Variants in TSC22D2 observed in about 807,000 individuals in gnomAD.
TSC22D2 encodes TSC22 domain family protein 2.
Under a neutral mutation model 50.1 loss-of-function variants are expected in TSC22D2, and 5 were observed. The observed-to-expected ratio is 0.10, with a 90% CI of 0.05 to 0.21. The LOEUF is 0.21. TSC22D2 is among the 10% of genes least tolerant of loss of function. The pLI is 1.00. For synonymous variants in TSC22D2, 501 were observed against 450.1 expected (o/e 1.11, Z -1.43); for missense variants, 1,003 against 1,015.5 (o/e 0.99, Z 0.17).
At chr3:150,418,396 T>C (rs1719894738) in intron 1 of TSC22D2, among the ~76,000 whole-genome samples, 1 of 151,930 alleles carries the variant, frequency 6.6e-6, no homozygotes, top group Non-Finnish European at 1.5e-5. Context: ...TAGACTGACT[T>C]CTATTTAAAA....
chr3:150,432,570 T>C (rs896036213), intron 1 of TSC22D2, among the ~76,000 whole-genome samples: 167 of 151,924 alleles, frequency 1.1e-3, no homozygotes, highest in African/African-American at 3.9e-3. Context: ...TAAAATTCTA[T>C]TGAAGAGCTT....
chr3:150,458,977 T>A lies in TSC22D2; in HGVS notation c.*341T>A, dbSNP rs1721287129. 1 of 198,416 alleles carries A rather than the reference T, an allele frequency of 5.0e-6. No homozygotes were observed. The allele number at this position is 198,416 out of a possible 1,614,324, so 12.3% of individuals were successfully genotyped here. A position where few individuals can be genotyped will look rare whatever the true frequency, so the allele number is the denominator to read the frequency against. ...ATTACCCATGGATTTACCCTGAGCC[T>A]TCCTATCACATTATAAATAACAGTT... is the stretch of plus-strand genomic sequence containing the variant. On this transcript the variant is annotated 3_prime_UTR_variant, in exon 3 of 3. Transcript: ENST00000688009.
In TSC22D2 at chr3:150,465,605, T is replaced by C. The variant is rs971116050; in HGVS notation, c.*6969T>C. ...AAGATAGCCTGTACAATGATGTCAA[T>C]TGCACCTTTGCTTGTACAGTAGACC... On this transcript the variant is annotated 3_prime_UTR_variant, in exon 3 of 3. Coordinates refer to ENST00000688009, the MANE Select transcript of TSC22D2 (RefSeq NM_001303264.2). 2 of 152,204 alleles carry C rather than the reference T, an allele frequency of 1.3e-5. No individual in the cohort carries two copies. Among genetic ancestry groups the C allele is most frequent in the African/African-American group, 2.4e-5 (1 of 41,464 alleles). The allele number at this position is 152,204 out of a possible 1,614,324, so 9.4% of individuals were successfully genotyped here. A position where few individuals can be genotyped will look rare whatever the true frequency, so the allele number is the denominator to read the frequency against.
rs897757590 is a variant in TSC22D2, at chr3:150,461,277, A to T, written c.*2641A>T. 2.1e-4 allele frequency: 32 copies of T among 152,106 alleles called. No individual in the cohort carries two copies. The highest frequency in any genetic ancestry group is 7.7e-4 in the African/African-American group (32 of 41,406). 9.4% of individuals were successfully genotyped at this position (152,106 alleles called of 1,614,324 possible). The stretch of plus-strand genomic sequence containing the variant: ...TCCCCTCAAAATCCAAACTATCCCT[A>T]CTGTCAACCCTTCCCCCAGCTGATT... On this transcript the variant is annotated 3_prime_UTR_variant, in exon 3 of 3. Coordinates refer to ENST00000688009, the MANE Select transcript of TSC22D2 (RefSeq NM_001303264.2).
At chr3:150,417,588 T>C (rs1242914962) in intron 1 of TSC22D2, among the ~76,000 whole-genome samples, 19 of 151,894 alleles carry the variant, frequency 1.3e-4, no homozygotes, top group Admixed American at 1.2e-3. Flanking sequence ...TGTAGATGCC[T>C]TGTTTCCTCT....
At position 150,425,040 on chromosome 3, in the gene TSC22D2, G is replaced by A. The variant is rs564957937; in HGVS notation, c.1958+13732G>A. On this transcript the variant is annotated intron_variant, in intron 1 of 2. Coordinates refer to ENST00000688009, the MANE Select transcript of TSC22D2 (RefSeq NM_001303264.2). ...TCAGCTAATAAAGTATCATGAGACC[G>A]TTTATTCCAAATGGGTTGAAGATTT... Among the ~76,000 whole-genome samples, 5 of 152,194 alleles carry A rather than the reference G, an allele frequency of 3.3e-5. No individual in the cohort carries two copies. In the East Asian group the frequency reaches 5.8e-4, roughly 18 times the overall value.
At chr3:150,431,224 CAAAAAAAAAAAA>C (rs71138443) in intron 1 of TSC22D2, among the ~76,000 whole-genome samples, 28 of 27,968 alleles carry the variant, frequency 1.0e-3, no homozygotes, top group East Asian at 1.7e-3. Flanking sequence ...GGCTCTGTCT[CAAAAAAAAAAAA>C]AAAAAAAAAA....
At position 150,409,691 on chromosome 3, in the gene TSC22D2, C is replaced by T. The variant is rs781590505; in HGVS notation, c.341C>T (p.Ser114Phe). The part of the protein sequence containing the change: ...GGGVVSARSV[S>F]GALASTLAAA... ...GGAGTCGTTTCGGCCCGGAGCGTGT[C>T]TGGGGCGCTCGCCAGTACCCTGGCG... The change falls in exon 1 of 3, where the codon TCT becomes TTT. Residue 114 changes from serine to phenylalanine, a missense_variant. Ser to Phe is a radical substitution (Grantham distance 155). Around this residue, in one of 6 missense-constraint regions of TSC22D2, gnomAD observed 200 missense variants for 182.8 expected, o/e 1.09. Transcript: ENST00000688009. This position sits in a 1 kb window ranked among gnomAD's most constrained non-coding sequence, Gnocchi z 7.4. 15 of 1,588,110 alleles carry T rather than the reference C, an allele frequency of 9.4e-6. No individual in the cohort carries two copies. Among genetic ancestry groups the T allele is most frequent in the South Asian group, 1.1e-5 (1 of 89,578 alleles).
Position 150,460,884 on chromosome 3 carries a change from G to A in TSC22D2, c.*2248G>A, listed in dbSNP as rs1044895471. 6.6e-6 allele frequency: 1 copy of A among 152,030 alleles called. No homozygotes were observed. Among genetic ancestry groups the A allele is most frequent in the Non-Finnish European group, 1.5e-5 (1 of 68,008 alleles). The allele number at this position is 152,030 out of a possible 1,614,324, so 9.4% of individuals were successfully genotyped here. A position where few individuals can be genotyped will look rare whatever the true frequency, so the allele number is the denominator to read the frequency against. On this transcript the variant is annotated 3_prime_UTR_variant, in exon 3 of 3. Transcript: ENST00000688009. ...TAGTCTCCAAGGAAATGAATAATAAGGTTTAAAATGGTAACAGCAGTTATT... is the reference window on the plus strand; with the variant it reads ...TAGTCTCCAAGGAAATGAATAATAAAGTTTAAAATGGTAACAGCAGTTATT...
At chr3:150,413,006 A>G (rs1171821498) in intron 1 of TSC22D2, among the ~76,000 whole-genome samples, 1 of 152,056 alleles carries the variant, frequency 6.6e-6, no homozygotes, top group African/African-American at 2.4e-5. Context: ...ATACACACAC[A>G]CACCCCTCCA....
intron 2 of TSC22D2, 121 bp downstream of exon 2, chr3:150,457,248 T>C: frequency 1.1e-6 from 1 of 912,548 alleles, no homozygotes; most frequent in Non-Finnish European, 1.7e-6. Flanking sequence ...ATCATGTTTT[T>C]TGATAATGAG....
intron 1 of TSC22D2, among the ~76,000 whole-genome samples, chr3:150,431,932 C>T (rs1016005924): frequency 6.6e-6 from 1 of 152,170 alleles, no homozygotes; most frequent in Non-Finnish European, 1.5e-5. Flanking sequence ...AGACATTTTA[C>T]ATCACCACTT....
intron 1 of TSC22D2, among the ~76,000 whole-genome samples, chr3:150,451,862 GA>G (rs962580980): frequency 3.3e-5 from 5 of 152,012 alleles, no homozygotes; most frequent in African/African-American, 1.2e-4. Context: ...TGTCCATTTT[GA>G]AAAAGAGAAG....
At chr3:150,448,254 T>C (rs952937569) in intron 1 of TSC22D2, among the ~76,000 whole-genome samples, 1 of 151,902 alleles carries the variant, frequency 6.6e-6, no homozygotes, top group African/African-American at 2.4e-5. Flanking sequence ...GGTGGGAGGA[T>C]TGCTTTAGCC....
chr3:150,435,546 A>C lies in TSC22D2; in HGVS notation c.1959-21530A>C, dbSNP rs542092346. ...TAGGATTTCTCCAAACAATGTAGTG[A>C]ACTTTTTTGAACAGCAGGTTGAAAA... On this transcript the variant is annotated intron_variant, in intron 1 of 2. Transcript: ENST00000688009. Among the ~76,000 whole-genome samples the C allele has an allele frequency of 3.3e-5, 5 of 152,286 alleles. No individual in the cohort carries two copies. The East Asian group carries it at 9.6e-4, about 29-fold the overall frequency.
At chr3:150,456,950 G>T in intron 1 of TSC22D2, 126 bp from the exon 2 acceptor site, 1 of 795,462 alleles carries the variant, frequency 1.3e-6, no homozygotes, top group Non-Finnish European at 2.1e-6. Flanking sequence ...TGTCAGAACA[G>T]AATAAGCTAT....
chr3:150,447,110 C>A (rs778424162), intron 1 of TSC22D2, among the ~76,000 whole-genome samples: 22 of 152,038 alleles, frequency 1.4e-4, no homozygotes, highest in Admixed American at 6.5e-4. Context: ...TTTAGTCAGG[C>A]CTCACTGTAG....
In TSC22D2 at chr3:150,409,671, C is replaced by G; in HGVS notation, c.321C>G (p.Val107=). ...CTGCTCCCGCCAACGGAGGAGGAGT[C>G]GTTTCGGCCCGGAGCGTGTCTGGGG... ...AAAAPANGGG[V]VSARSVSGAL... The change falls in exon 1 of 3, where the codon GTC becomes GTG. Residue 107 remains valine, a synonymous_variant. Transcript: ENST00000688009. The surrounding 1 kb of genome is among the most constrained non-coding windows in gnomAD (Gnocchi z 7.4). 6.3e-7 allele frequency: 1 copy of G among 1,594,982 alleles called. No homozygotes were observed. Among genetic ancestry groups the G allele is most frequent in the East Asian group, 2.3e-5 (1 of 44,064 alleles).
intron 1 of TSC22D2, among the ~76,000 whole-genome samples, chr3:150,424,469 A>G (rs979661467): frequency 6.6e-6 from 1 of 152,142 alleles, no homozygotes; most frequent in African/African-American, 2.4e-5. Flanking sequence ...TGTGAATGAT[A>G]TATATTATTT....
Sources: allele counts gnomAD v4.1 joint callset (sites outside exome capture counted in the v4.1 genomes callset), GRCh38; gene constraint gnomAD v4.1.1; regional missense constraint gnomAD v4.1.1; non-coding constraint Gnocchi (gnomAD v3.1); transcripts MANE v1.5; gene names NCBI Gene and HGNC (gene_info 2026-07-23, HGNC 2026-07-21).